RELN: variants seen among roughly 807,000 people sequenced by gnomAD.
RELN encodes reelin.
Under a neutral mutation model 427.6 loss-of-function variants are expected in RELN, and 108 were observed. The observed-to-expected ratio is 0.25, with a 90% CI of 0.22 to 0.30. The LOEUF is 0.30. RELN is among the 10% of genes least tolerant of loss of function. RELN has a pLI of 1.00. For synonymous variants in RELN, 1,524 were observed against 1,513.4 expected, an observed-to-expected ratio of 1.01 and a Z score of -0.16; for missense variants, 3,715 against 4,302.8, an observed-to-expected ratio of 0.86 and a Z score of 3.82.
chr7:103,515,522 A>G (rs1829544713), intron 49 of RELN, 81 bp from the exon 50 acceptor site: 1 of 1,568,206 alleles, frequency 6.4e-7, no homozygotes, highest in South Asian at 1.1e-5. Context: ...ACAACCAGCC[A>G]TAAGATAATG....
chr7:103,987,621 A>G (rs145764707), intron 1 of RELN, among the ~76,000 whole-genome samples: 41 of 152,296 alleles, frequency 2.7e-4, no homozygotes, highest in African/African-American at 9.9e-4. Context: ...AACTTTTGCT[A>G]AGAGTCGCAC....
intron 4 of RELN, 65 bp downstream of exon 4, chr7:103,776,492 A>T: frequency 6.6e-7 from 1 of 1,520,082 alleles, no homozygotes; most frequent in East Asian, 2.3e-5. Flanking sequence ...TACTTGGTAC[A>T]TAGAACACAG....
At chr7:103,578,023 G>A (rs1293378068) in intron 28 of RELN, among the ~76,000 whole-genome samples, 1 of 152,192 alleles carries the variant, frequency 6.6e-6, no homozygotes, top group East Asian at 1.9e-4. Flanking sequence ...TTTGGGCCCA[G>A]AAGAATTCAG....
intron 61 of RELN, chr7:103,484,068 C>CG (rs1489538295): frequency 5.4e-6 from 3 of 550,778 alleles, no homozygotes; most frequent in Non-Finnish European, 9.7e-6. Context: ...TTAGTATAGA[C>CG]GGGGTTTTGA....
chr7:103,985,590 T>C (rs1797080525), intron 1 of RELN, among the ~76,000 whole-genome samples: 1 of 152,216 alleles, frequency 6.6e-6, no homozygotes, highest in Non-Finnish European at 1.5e-5. Context: ...CCATATCTAT[T>C]ATCTGGCTGT....
chr7:103,930,513 T>C (rs1282711481), intron 1 of RELN, among the ~76,000 whole-genome samples: 1 of 152,028 alleles, frequency 6.6e-6, no homozygotes, highest in Non-Finnish European at 1.5e-5. Flanking sequence ...TTGCCCAGAC[T>C]GGAGGGCAGT....
intron 36 of RELN, 105 bp downstream of exon 36, chr7:103,561,427 A>G: frequency 1.1e-6 from 1 of 946,786 alleles, no homozygotes. Context: ...TGTATTAAAT[A>G]TTATGTCATT....
intron 11 of RELN, among the ~76,000 whole-genome samples, chr7:103,665,586 G>A (rs1833247034): frequency 1.3e-5 from 2 of 152,142 alleles, no homozygotes; most frequent in South Asian, 4.2e-4. Context: ...CTGATAAGAA[G>A]TTATCTATTG....
intron 8 of RELN, among the ~76,000 whole-genome samples, chr7:103,717,853 C>T (rs1024638534): frequency 2.0e-5 from 3 of 151,970 alleles, no homozygotes; most frequent in Non-Finnish European, 4.4e-5. Context: ...ACAATTCATA[C>T]CAAGATATGG....
At chr7:103,849,001 C>G (rs1426237922) in intron 2 of RELN, among the ~76,000 whole-genome samples, 2 of 152,136 alleles carry the variant, frequency 1.3e-5, no homozygotes, top group African/African-American at 4.8e-5. Flanking sequence ...CCTGGGACAG[C>G]CTAACAGACT....
intron 4 of RELN, among the ~76,000 whole-genome samples, chr7:103,764,368 G>A (rs7341475): frequency 0.17 from 26,301 of 152,026 alleles, 2,424 homozygotes; most frequent in Middle Eastern, 0.33. Flanking sequence ...GAGACTCAAA[G>A]ATTTCATGGC....
At chr7:103,532,222 A>C (rs1562874997) in intron 46 of RELN, among the ~76,000 whole-genome samples, 1 of 152,222 alleles carries the variant, frequency 6.6e-6, no homozygotes, top group Non-Finnish European at 1.5e-5. Context: ...GTTCTCACTT[A>C]TAAGTGGGAG....
intron 1 of RELN, among the ~76,000 whole-genome samples, chr7:103,940,269 C>A (rs1294427559): frequency 6.6e-6 from 1 of 152,126 alleles, no homozygotes; most frequent in African/African-American, 2.4e-5. Context: ...GAGTTTCACT[C>A]TCCTTATCTG....
At chr7:103,715,651 T>A (rs760751389) in intron 8 of RELN, among the ~76,000 whole-genome samples, 26 of 152,136 alleles carry the variant, frequency 1.7e-4, no homozygotes, top group Non-Finnish European at 3.8e-4. Context: ...TCCCTTCCAG[T>A]CCTATCCCTC....
At chr7:103,673,906 T>C (rs1350021267) in intron 11 of RELN, among the ~76,000 whole-genome samples, 2 of 102,924 alleles carry the variant, frequency 1.9e-5, no homozygotes, top group Middle Eastern at 4.6e-3. Flanking sequence ...ATAGCCACTA[T>C]ACCTTTCTCC....
At chr7:103,609,896 G>T (rs924854728) in intron 22 of RELN, among the ~76,000 whole-genome samples, 1 of 152,058 alleles carries the variant, frequency 6.6e-6, no homozygotes, top group African/African-American at 2.4e-5. Context: ...AGGACTGGAG[G>T]GACCTGTAAG....
In RELN at chr7:103,856,597, GAAAGAA is replaced by G. The variant is rs1359586905; in HGVS notation, c.338-22931_338-22926del. ...AAAAAAAAAAAAAAAAAGAAAGAAA[GAAAGAA>G]AAAAGCAAATATGTTGACAAAAATA... On this transcript the variant is annotated intron_variant, in intron 2 of 64. Coordinates refer to ENST00000428762, the MANE Select transcript of RELN (RefSeq NM_005045.4). Among the ~76,000 whole-genome samples the G allele has an allele frequency of 5.9e-3, 827 of 141,282 alleles. 12 individuals carry two copies. Among genetic ancestry groups the G allele is most frequent in the East Asian group, 0.014 (63 of 4,638 alleles). The allele number at this position is 141,282 out of a possible 152,430, so 92.7% of individuals were successfully genotyped here.
At chr7:103,962,649 TG>T (rs756033211) in intron 1 of RELN, among the ~76,000 whole-genome samples, 22 of 18,646 alleles carry the variant, frequency 1.2e-3, no homozygotes, top group Middle Eastern at 0.025. Context: ...AAAGTTGTTG[TG>T]TGTGTGTGTG....
chr7:103,496,349 A>G (rs921964783), intron 56 of RELN, among the ~76,000 whole-genome samples, 177 bp downstream of exon 56: 1 of 152,226 alleles, frequency 6.6e-6, no homozygotes, highest in African/African-American at 2.4e-5. Flanking sequence ...GGACATTTCA[A>G]AAAGCAGCCA....
Sources: gnomAD v4.1 joint callset for allele counts (sites outside exome capture counted in the v4.1 genomes callset) on GRCh38, gnomAD v4.1.1 for gene constraint, MANE v1.5 for transcripts, NCBI Gene and HGNC (gene_info 2026-07-23, HGNC 2026-07-21) for gene names.